Variants in GPM6A observed in about 807,000 individuals in gnomAD.
GPM6A encodes the protein neuronal membrane glycoprotein M6-a.
GPM6A carries 7 observed loss-of-function variants against 32.1 expected under a neutral mutation model. The ratio of observed to expected loss-of-function variants is 0.22; its 90% CI spans 0.12 to 0.41. GPM6A has a LOEUF of 0.41. Ranked by LOEUF, GPM6A falls within the 10% of genes least tolerant of loss-of-function variation. The pLI, the probability that GPM6A is intolerant of heterozygous loss-of-function variation, is 1.00. For synonymous variants in GPM6A, 130 were observed against 123.4 expected, an observed-to-expected ratio of 1.05 and a Z score of -0.35; for missense variants, 235 against 347.2, an observed-to-expected ratio of 0.68 and a Z score of 2.57.
intron 1 of GPM6A, among the ~76,000 whole-genome samples, chr4:175,830,499 T>A (rs1018055146): frequency 6.6e-6 from 1 of 152,204 alleles, no homozygotes; most frequent in South Asian, 2.1e-4. Flanking sequence ...TCCCATTTAA[T>A]CTTCACCATA....
At chr4:175,734,736 GGT>G (rs1731589605) in intron 1 of GPM6A, among the ~76,000 whole-genome samples, 1 of 152,030 alleles carries the variant, frequency 6.6e-6, no homozygotes, top group African/African-American at 2.4e-5. Context: ...AGCTGGGTGT[GGT>G]GGCAGATGCC....
intron 1 of GPM6A, among the ~76,000 whole-genome samples, chr4:175,819,253 T>C (rs17608637): frequency 0.24 from 36,344 of 151,988 alleles, 4,810 homozygotes; most frequent in South Asian, 0.33. Flanking sequence ...GCTGATTCTC[T>C]GTGGTCACAA....
At chr4:175,824,359 C>G (rs951227055) in intron 1 of GPM6A, among the ~76,000 whole-genome samples, 4 of 152,124 alleles carry the variant, frequency 2.6e-5, no homozygotes, top group African/African-American at 9.7e-5. Flanking sequence ...CGGTTTTCAG[C>G]GATGTGCTCA....
chr4:175,682,701 C>T (rs1743754124), intron 2 of GPM6A, among the ~76,000 whole-genome samples: 1 of 152,186 alleles, frequency 6.6e-6, no homozygotes, highest in Non-Finnish European at 1.5e-5. Context: ...ACAGCTTGGG[C>T]TGCTGCTTCA....
intron 1 of GPM6A, among the ~76,000 whole-genome samples, chr4:175,825,643 C>T (rs908764991): frequency 4.6e-5 from 7 of 152,106 alleles, no homozygotes; most frequent in Admixed American, 3.9e-4. Flanking sequence ...CAATCTTTAA[C>T]ATCACCCATA....
At chr4:175,998,870 T>C (rs1426690056) in intron 1 of GPM6A, among the ~76,000 whole-genome samples, 1 of 152,226 alleles carries the variant, frequency 6.6e-6, no homozygotes, top group Non-Finnish European at 1.5e-5. Flanking sequence ...TCATTATGTC[T>C]TCCCTGCTCA....
intron 1 of GPM6A, among the ~76,000 whole-genome samples, chr4:175,819,410 T>C (rs1735207620): frequency 6.6e-6 from 1 of 152,198 alleles, no homozygotes; most frequent in Non-Finnish European, 1.5e-5. Context: ...ACAGAGCTAA[T>C]AGCAAAGATG....
intron 1 of GPM6A, among the ~76,000 whole-genome samples, chr4:175,752,906 C>T (rs775209247): frequency 1.8e-4 from 27 of 152,206 alleles, no homozygotes; most frequent in Admixed American, 5.2e-4. Flanking sequence ...TCCAATGGTT[C>T]GAAAGGAAAA....
At chr4:175,884,987 T>A (rs1455196319) in intron 1 of GPM6A, among the ~76,000 whole-genome samples, 1 of 152,210 alleles carries the variant, frequency 6.6e-6, no homozygotes. Context: ...GGTGAGAATA[T>A]AGAGCAACTG....
intron 1 of GPM6A, among the ~76,000 whole-genome samples, chr4:175,931,705 C>CAT (rs1488274272): frequency 6.5e-5 from 9 of 139,248 alleles, no homozygotes; most frequent in African/African-American, 2.3e-4. Flanking sequence ...CACACACACA[C>CAT]ACACATATAT....
intron 1 of GPM6A, among the ~76,000 whole-genome samples, chr4:175,774,361 G>C (rs1459938750): frequency 6.6e-6 from 1 of 151,922 alleles, no homozygotes; most frequent in Non-Finnish European, 1.5e-5. Flanking sequence ...ACATTAATAA[G>C]CATATTAATC....
intron 1 of GPM6A, among the ~76,000 whole-genome samples, chr4:175,745,688 G>C (rs1052919985): frequency 1.3e-5 from 2 of 152,148 alleles, no homozygotes; most frequent in African/African-American, 4.8e-5. Flanking sequence ...GGAAAGATAA[G>C]ATTGGCAGAA....
intron 4 of GPM6A, among the ~76,000 whole-genome samples, chr4:175,644,849 G>A (rs1294737662): frequency 6.6e-6 from 1 of 152,182 alleles, no homozygotes; most frequent in Non-Finnish European, 1.5e-5. Flanking sequence ...GCTCACGCCT[G>A]TAATCCCAGC....
chr4:175,845,496 G>A (rs1736060005), intron 1 of GPM6A, among the ~76,000 whole-genome samples: 1 of 152,072 alleles, frequency 6.6e-6, no homozygotes, highest in South Asian at 2.1e-4. Context: ...ACCTAACAAT[G>A]TAGGCATCTA....
At chr4:175,905,659 C>G (rs1228069362) in intron 1 of GPM6A, among the ~76,000 whole-genome samples, 1 of 151,998 alleles carries the variant, frequency 6.6e-6, no homozygotes, top group Admixed American at 6.6e-5. Context: ...GCCTTCGGCT[C>G]AAAATAATCC....
At chr4:175,928,679 C>G (rs1482670293) in intron 1 of GPM6A, among the ~76,000 whole-genome samples, 2 of 152,168 alleles carry the variant, frequency 1.3e-5, no homozygotes, top group Admixed American at 6.5e-5. Context: ...GAAAATGCAC[C>G]AAGAAACGCA....
At chr4:175,848,574 C>T (rs1033928545) in intron 1 of GPM6A, among the ~76,000 whole-genome samples, 1 of 152,126 alleles carries the variant, frequency 6.6e-6, no homozygotes, top group Non-Finnish European at 1.5e-5. Context: ...TAGAGTTACA[C>T]ATAATGAAGA....
rs764147494 is a variant in GPM6A at position 175,640,206 on chromosome 4, A to G, written c.619-12T>C. 1.1e-5 allele frequency: 17 copies of G among 1,609,214 alleles called. No individual in the cohort carries two copies. In the African/African-American group the frequency reaches 1.9e-4, roughly 18 times the overall value. ...AAGGTCATGTTCAGCTGCAATGGAA[A>G]CCACAGAGAATCAAAAGGTGTCAGA... On this transcript the variant is annotated splice_polypyrimidine_tract_variant and intron_variant, in intron 5 of 6. Transcript: ENST00000393658.
intron 4 of GPM6A, among the ~76,000 whole-genome samples, chr4:175,646,897 A>T (rs1579337342): frequency 1.3e-5 from 2 of 152,254 alleles, no homozygotes; most frequent in East Asian, 3.9e-4. Context: ...CACCAATTTT[A>T]GTGGTAGGGA....
Sources: allele counts gnomAD v4.1 joint callset (sites outside exome capture counted in the v4.1 genomes callset), GRCh38; gene constraint gnomAD v4.1.1; transcripts MANE v1.5; gene names NCBI Gene and HGNC (gene_info 2026-07-23, HGNC 2026-07-21).